The following KDM6B variants were observed in gnomAD, a reference collection of about 807,000 sequenced individuals.
KDM6B encodes the protein lysine-specific demethylase 6B.
KDM6B carries 22 observed loss-of-function variants against 150.4 expected under a neutral mutation model. The observed-to-expected ratio is 0.15, with a 90% CI of 0.10 to 0.21. The LOEUF (loss-of-function observed/expected upper bound fraction) is 0.21, where lower values mean the gene tolerates loss of function less well. Among genes scored for constraint, KDM6B ranks in the 10% least tolerant of loss-of-function variants. KDM6B has a pLI of 1.00. For synonymous variants in KDM6B, 1,148 were observed against 921.1 expected, an observed-to-expected ratio of 1.25 and a Z score of -4.46; for missense variants, 1,984 against 2,234.3, an observed-to-expected ratio of 0.89 and a Z score of 2.26.
Position 7,846,384 on chromosome 17 carries a change from G to GGCCCCCCCCCCC in KDM6B, c.457-16_457-15insGCCCCCCCCCCC. On this transcript the variant is annotated splice_polypyrimidine_tract_variant and intron_variant, in intron 7 of 23. Coordinates refer to ENST00000448097, the MANE Select transcript of KDM6B (RefSeq NM_001348716.2). Reference sequence around the variant, plus strand: ...CACCTGACATCTGCCCCTGCCCCGTGTCCCCCCACCCCCAGGCCCAGCTCT... The same window carrying GGCCCCCCCCCCC: ...CACCTGACATCTGCCCCTGCCCCGTGGCCCCCCCCCCCTCCCCCCACCCCCAGGCCCAGCTCT... 1 of 1,525,300 alleles carries GGCCCCCCCCCCC rather than the reference G, an allele frequency of 6.6e-7. No individual in the cohort carries two copies. The highest frequency in any genetic ancestry group is 8.9e-7 in the Non-Finnish European group (1 of 1,125,194). The allele number at this position is 1,525,300 out of a possible 1,614,324, so 94.5% of individuals were successfully genotyped here.
Position 7,854,759 on chromosome 17 carries a change from T to C in KDM6B, c.*1238T>C. The stretch of plus-strand genomic sequence containing the variant: ...ACCCCTATTTTCGGTGATTTTTGTG[T>C]GAGAATATTAATATTAAAAATAAAC... On this transcript the variant is annotated 3_prime_UTR_variant, in exon 24 of 24. Coordinates refer to ENST00000448097, the MANE Select transcript of KDM6B (RefSeq NM_001348716.2). 3.3e-6 allele frequency: 1 copy of C among 302,264 alleles called. No homozygotes were observed. Among genetic ancestry groups the C allele is most frequent in the Non-Finnish European group, 6.3e-6 (1 of 159,138 alleles). The allele number at this position is 302,264 out of a possible 1,614,324, so 18.7% of individuals were successfully genotyped here.
intron 1 of KDM6B, among the ~76,000 whole-genome samples, chr17:7,838,935 A>G (rs1190677141): frequency 6.6e-6 from 1 of 152,036 alleles, no homozygotes; most frequent in Non-Finnish European, 1.5e-5. Context: ...CAGCCACAGA[A>G]GCTTGCGGAA....
At chr17:7,846,371 G>GGGCCAGC in intron 7 of KDM6B, 29 bp from the exon 8 acceptor site, 1 of 1,488,926 alleles carries the variant, frequency 6.7e-7, no homozygotes, top group South Asian at 1.2e-5. Context: ...CCTGACATCT[G>GGGCCAGC]CCCCTGCCCC....
intron 7 of KDM6B, 29 bp from the exon 8 acceptor site, chr17:7,846,371 G>GGGGGGGGGGCGGGGGCCCCCCCCCCC: frequency 6.7e-7 from 1 of 1,488,924 alleles, no homozygotes; most frequent in Non-Finnish European, 9.2e-7. Flanking sequence ...CCTGACATCT[G>GGGGGGGGGGCGGGGGCCCCCCCCCCC]CCCCTGCCCC....
At chr17:7,835,384 G>A (rs977358089) in intron 1 of KDM6B, among the ~76,000 whole-genome samples, 4 of 152,084 alleles carry the variant, frequency 2.6e-5, no homozygotes, top group Non-Finnish European at 5.9e-5. Context: ...TGGTTCCCGG[G>A]ACAGGAAGAG....
chr17:7,853,555 A>G lies in KDM6B; in HGVS notation c.*34A>G. ...GCCCCGCCCGCCTGCCTGCCCGCGC[A>G]AGGCGCCGCGGGGCCACCAGCACAT... On this transcript the variant is annotated 3_prime_UTR_variant, in exon 24 of 24. Coordinates refer to ENST00000448097, the MANE Select transcript of KDM6B (RefSeq NM_001348716.2). 1.4e-6 allele frequency: 2 copies of G among 1,404,900 alleles called. No homozygotes were observed. Among genetic ancestry groups the G allele is most frequent in the East Asian group, 3.2e-5 (1 of 30,930 alleles). The allele number at this position is 1,404,900 out of a possible 1,614,324, so 87.0% of individuals were successfully genotyped here.
intron 12 of KDM6B, 44 bp from the exon 13 acceptor site, chr17:7,849,777 C>T (rs1373614855): frequency 1.2e-6 from 2 of 1,612,858 alleles, no homozygotes; most frequent in South Asian, 1.1e-5. Context: ...TCCCTTCCCC[C>T]ATCACCCTGA....
chr17:7,849,558 G>A lies in KDM6B; in HGVS notation c.3270G>A (p.Leu1090=). 6.2e-7 allele frequency: 1 copy of A among 1,612,850 alleles called. No homozygotes were observed. Among genetic ancestry groups the A allele is most frequent in the East Asian group, 2.2e-5 (1 of 44,868 alleles). The part of the protein sequence containing the change: ...GPPGVSRADM[L]KLRSLSEGPP... ...CGGGTGTCAGCCGGGCCGACATGCT[G>A]AAGCTGCGCTCACTTAGTGAGGGGC... The change falls in exon 12 of 24, where the codon CTG becomes CTA. Residue 1090 remains leucine, a synonymous_variant. Transcript: ENST00000448097.
chr17:7,853,425 G>T, intron 23 of KDM6B, 45 bp downstream of exon 23: 1 of 1,530,874 alleles, frequency 6.5e-7, no homozygotes, highest in Non-Finnish European at 8.7e-7. Flanking sequence ...GGGCACTGGG[G>T]CAGGCTGCAG....
Position 7,848,567 on chromosome 17 carries a change from C to T in KDM6B, c.2279C>T (p.Thr760Ile). Residue 760 changes from threonine (T) to isoleucine (I), a missense_variant, in exon 12 of 24, where the codon ACC becomes ATC. Transcript: ENST00000448097. ...AVTTTTTTTTTTTATQEEEKK... is the reference protein window; with the variant it reads ...AVTTTTTTTTITTATQEEEKK... The stretch of plus-strand genomic sequence containing the variant: ...ACCACCACCACCACCACCACCACCA[C>T]CACCACGGCCACCCAGGAAGAGGAG... 6.2e-7 allele frequency: 1 copy of T among 1,607,880 alleles called. No individual in the cohort carries two copies. The highest frequency in any genetic ancestry group is 8.5e-7 in the Non-Finnish European group (1 of 1,178,028).
intron 6 of KDM6B, 37 bp from the exon 7 acceptor site, chr17:7,846,041 A>G: frequency 8.5e-7 from 1 of 1,177,906 alleles, no homozygotes; most frequent in Non-Finnish European, 1.2e-6. Flanking sequence ...CCTCAAGCCC[A>G]ACCCCCACCC....
intron 1 of KDM6B, among the ~76,000 whole-genome samples, chr17:7,835,441 G>A (rs1281312977): frequency 1.3e-5 from 2 of 152,050 alleles, no homozygotes; most frequent in Non-Finnish European, 2.9e-5. Context: ...GCGACCGAAG[G>A]GGACTCGGTG....
rs777671241 is a variant in KDM6B, at chr17:7,847,418, C to T, written c.1223C>T (p.Thr408Ile). ...AGCAGCAGTAGCAGCAGCAGCAACACTGGTCTCCGGGGCGTGGAGCCGAAC... is the reference window on the plus strand; with the variant it reads ...AGCAGCAGTAGCAGCAGCAGCAACATTGGTCTCCGGGGCGTGGAGCCGAAC... The part of the protein sequence containing the change: ...TSSSSSSSSN[T>I]GLRGVEPNPG... The change falls in exon 11 of 24, where the codon ACT becomes ATT. Residue 408 changes from threonine (T) to isoleucine (I), a missense_variant. Around this residue, in one of 13 missense-constraint regions of KDM6B, gnomAD observed 1,379 missense variants for 1,275.6 expected, o/e 1.08. Coordinates refer to ENST00000448097, the MANE Select transcript of KDM6B (RefSeq NM_001348716.2). 3.1e-6 allele frequency: 5 copies of T among 1,613,624 alleles called. No homozygotes were observed. In the South Asian group the frequency reaches 4.4e-5, roughly 14 times the overall value.
Position 7,847,333 on chromosome 17 carries a change from A to G in KDM6B, c.1138A>G (p.Thr380Ala). 6.2e-7 allele frequency: 1 copy of G among 1,606,428 alleles called. No individual in the cohort carries two copies. The highest frequency in any genetic ancestry group is 8.5e-7 in the Non-Finnish European group (1 of 1,177,378). The part of the protein sequence containing the change: ...MDSSVSPAAT[T>A]ACVPYAPSRP... ...CTCCAGCGTTTCACCAGCAGCAACC[A>G]CCGCCTGCGTGCCTTACGCCCCTTC... is the stretch of plus-strand genomic sequence containing the variant. Residue 380 changes from threonine (T) to alanine (A), a missense_variant, in exon 11 of 24, where the codon ACC (threonine) becomes GCC (alanine). Thr to Ala is a moderately conservative substitution (Grantham distance 58, BLOSUM62 0). Around this residue, in one of 13 missense-constraint regions of KDM6B, gnomAD observed 1,379 missense variants for 1,275.6 expected, o/e 1.08. Transcript: ENST00000448097.
rs60738318 is a variant in KDM6B at position 7,846,636 on chromosome 17, C to T, written c.607C>T (p.Pro203Ser). The T allele has an allele frequency of 2.5e-6, 4 of 1,614,042 alleles. No individual in the cohort carries two copies. In the Admixed American group the frequency reaches 5.0e-5, roughly 20 times the overall value. ...TCCCCCGGTGAAGCGAGCTGCTGAA[C>T]CCCCAGTGGTGCAGCCTGTGCCTCC... Reference protein sequence around the residue: ...GGPPVKRAAEPPVVQPVPPAA... With the variant: ...GGPPVKRAAESPVVQPVPPAA... Residue 203 changes from proline to serine, a missense_variant, in exon 9 of 24, where the codon CCC (proline) becomes TCC (serine). Pro to Ser is a moderately conservative substitution (Grantham distance 74). This residue lies in a region of KDM6B where 337 missense variants were observed against 323.9 expected (regional missense o/e 1.04). Coordinates refer to ENST00000448097, the MANE Select transcript of KDM6B (RefSeq NM_001348716.2).
chr17:7,847,363 C>G lies in KDM6B; in HGVS notation c.1168C>G (p.Pro390Ala), dbSNP rs769965116. The change falls in exon 11 of 24, where the codon CCC (proline) becomes GCC (alanine). Residue 390 changes from proline (P) to alanine (A), a missense_variant. By Grantham distance (27) the Pro-to-Ala change is conservative (BLOSUM62 -1). Around this residue, in one of 13 missense-constraint regions of KDM6B, gnomAD observed 1,379 missense variants for 1,275.6 expected, o/e 1.08. Coordinates refer to ENST00000448097, the MANE Select transcript of KDM6B (RefSeq NM_001348716.2). ...CTGCGTGCCTTACGCCCCTTCCCGG[C>G]CCCCTGGCCTCCCCGGCACCACCAC... The part of the protein sequence containing the change: ...TACVPYAPSR[P>A]PGLPGTTTSS... 2.5e-6 allele frequency: 4 copies of G among 1,612,568 alleles called. No individual in the cohort carries two copies. In the Admixed American group the frequency reaches 6.7e-5, roughly 27 times the overall value.
In KDM6B at chr17:7,847,131, A is replaced by G. The variant is rs1421727294; in HGVS notation, c.936A>G (p.Pro312=). ...RQEQRHSLPH[P]YPYPAPAYTA... Reference sequence around the variant, plus strand: ...AGCAGCGGCACTCGCTGCCTCACCCATATCCATACCCAGCTCCAGCGTACA... The same window carrying G: ...AGCAGCGGCACTCGCTGCCTCACCCGTATCCATACCCAGCTCCAGCGTACA... The change falls in exon 11 of 24, where the codon CCA becomes CCG. Residue 312 remains proline, a synonymous_variant. Transcript: ENST00000448097. 4 of 1,610,872 alleles carry G rather than the reference A, an allele frequency of 2.5e-6. No homozygotes were observed. Among genetic ancestry groups the G allele is most frequent in the Non-Finnish European group, 3.4e-6 (4 of 1,179,876 alleles).
In KDM6B at chr17:7,847,428, G is replaced by A. The variant is rs1398547191; in HGVS notation, c.1233G>A (p.Arg411=). The A allele has an allele frequency of 6.2e-7, 1 of 1,613,642 alleles. No individual in the cohort carries two copies. Among genetic ancestry groups the A allele is most frequent in the Non-Finnish European group, 8.5e-7 (1 of 1,179,940 alleles). Residue 411 remains arginine (R), a synonymous_variant, in exon 11 of 24, where the codon CGG becomes CGA. Coordinates refer to ENST00000448097, the MANE Select transcript of KDM6B (RefSeq NM_001348716.2). ...GCAGCAGCAGCAACACTGGTCTCCG[G>A]GGCGTGGAGCCGAACCCAGGCATTG... ...SSSSSSNTGL[R]GVEPNPGIPG...
At chr17:7,846,371 G>GGGGCGGGGCCGGGGCCCCCCCCC in intron 7 of KDM6B, 29 bp from the exon 8 acceptor site, 1 of 1,488,926 alleles carries the variant, frequency 6.7e-7, no homozygotes, top group Non-Finnish European at 9.2e-7. Flanking sequence ...CCTGACATCT[G>GGGGCGGGGCCGGGGCCCCCCCCC]CCCCTGCCCC....
Sources: gnomAD v4.1 joint callset for allele counts (sites outside exome capture counted in the v4.1 genomes callset) on GRCh38, gnomAD v4.1.1 for gene constraint, gnomAD v4.1.1 regional missense constraint, MANE v1.5 for transcripts, NCBI Gene and HGNC (gene_info 2026-07-23, HGNC 2026-07-21) for gene names.